Variants in SNCAIP observed in about 807,000 individuals in gnomAD.
The protein encoded by SNCAIP is synuclein alpha interacting protein.
SNCAIP carries 43 observed loss-of-function variants against 86.7 expected under a neutral mutation model. That is an observed-to-expected ratio of 0.50 (90% CI 0.39 to 0.64). The LOEUF (loss-of-function observed/expected upper bound fraction) is 0.64, where lower values mean the gene tolerates loss of function less well. Ranked by LOEUF, SNCAIP falls within the 30% of genes least tolerant of loss-of-function variation. SNCAIP has a pLI of 0.00. For synonymous variants in SNCAIP, 417 were observed against 427.2 expected, an observed-to-expected ratio of 0.98 and a Z score of 0.29; for missense variants, 981 against 1,103.1, an observed-to-expected ratio of 0.89 and a Z score of 1.57.
chr5:122,451,477 A>G lies in SNCAIP; in HGVS notation c.2630A>G (p.Asn877Ser), dbSNP rs191482320. 5 of 1,613,906 alleles carry G rather than the reference A, an allele frequency of 3.1e-6. No individual in the cohort carries two copies. The highest frequency in any genetic ancestry group is 1.7e-6 in the Non-Finnish European group (2 of 1,179,974). ...IMETLSGNQN[N>S]NNNYQAANQL... The stretch of plus-strand genomic sequence containing the variant: ...GAGACACTAAGTGGCAACCAAAACA[A>G]TAATAATAACTACCAGGCAGCCAAC... Residue 877 changes from asparagine (N) to serine (S), a missense_variant, in exon 10 of 11, where the codon AAT becomes AGT. Physicochemically the swap from Asn to Ser is conservative, Grantham distance 46. Coordinates refer to ENST00000261368, the MANE Select transcript of SNCAIP (RefSeq NM_005460.4).
chr5:122,398,311 A>G (rs549039253), intron 2 of SNCAIP, among the ~76,000 whole-genome samples: 2 of 152,232 alleles, frequency 1.3e-5, no homozygotes, highest in East Asian at 3.9e-4. Context: ...AGGAAACCTG[A>G]GCCCCAGCAA....
At chr5:122,445,530 C>T (rs1180170633) in intron 8 of SNCAIP, among the ~76,000 whole-genome samples, 1 of 151,898 alleles carries the variant, frequency 6.6e-6, no homozygotes, top group Non-Finnish European at 1.5e-5. Flanking sequence ...ATACAGTTTC[C>T]AGATTGGGGA....
At chr5:122,400,659 T>A (rs1771608243) in intron 2 of SNCAIP, among the ~76,000 whole-genome samples, 1 of 152,198 alleles carries the variant, frequency 6.6e-6, no homozygotes, top group Non-Finnish European at 1.5e-5. Context: ...CAGCTGGCCT[T>A]GCCTTGTGAA....
chr5:122,452,961 A>G (rs773968938), intron 10 of SNCAIP: 3 of 1,548,852 alleles, frequency 1.9e-6, no homozygotes, highest in South Asian at 1.2e-5. Context: ...TTCCTCTAAC[A>G]TGCTGATTGA....
intron 1 of SNCAIP, among the ~76,000 whole-genome samples, chr5:122,354,257 C>A (rs58637487): frequency 0.013 from 1,980 of 152,276 alleles, 37 homozygotes; most frequent in African/African-American, 0.043. Flanking sequence ...ACAGACTGGA[C>A]TTGCCTTCCT....
chr5:122,345,930 G>A (rs1758541452), intron 1 of SNCAIP, among the ~76,000 whole-genome samples: 1 of 152,014 alleles, frequency 6.6e-6, no homozygotes, highest in South Asian at 2.1e-4. Context: ...TGGGATTACA[G>A]TTGTGAGCCA....
chr5:122,456,652 C>A (rs1784828839), intron 10 of SNCAIP, among the ~76,000 whole-genome samples: 1 of 152,220 alleles, frequency 6.6e-6, no homozygotes, highest in Non-Finnish European at 1.5e-5. Flanking sequence ...CCTGGTGCTG[C>A]TGAACAAATG....
At chr5:122,442,962 G>A (rs1177201942) in intron 7 of SNCAIP, among the ~76,000 whole-genome samples, 2 of 152,108 alleles carry the variant, frequency 1.3e-5, no homozygotes, top group African/African-American at 4.8e-5. Flanking sequence ...ATGAGGTGAG[G>A]AGGGGACTGA....
chr5:122,342,145 T>G (rs1445993068), intron 1 of SNCAIP, among the ~76,000 whole-genome samples: 1 of 152,140 alleles, frequency 6.6e-6, no homozygotes, highest in Non-Finnish European at 1.5e-5. Context: ...TCAGCATTAT[T>G]ACACCCAAAA....
chr5:122,389,835 G>C (rs1455838889), intron 1 of SNCAIP: 1 of 151,644 alleles, frequency 6.6e-6, no homozygotes, highest in Non-Finnish European at 1.5e-5. Flanking sequence ...AAAAAGGAGA[G>C]GAAACAGGAA....
intron 8 of SNCAIP, among the ~76,000 whole-genome samples, chr5:122,446,624 G>A (rs1782373220): frequency 6.6e-6 from 1 of 152,180 alleles, no homozygotes. Flanking sequence ...ACTAAGAGAG[G>A]CTACGTTGTA....
intron 8 of SNCAIP, among the ~76,000 whole-genome samples, chr5:122,447,909 G>T (rs1199181639): frequency 6.6e-6 from 1 of 152,210 alleles, no homozygotes; most frequent in Non-Finnish European, 1.5e-5. Context: ...TTTGCTTGCT[G>T]GTTCCCATGT....
At chr5:122,362,240 A>G (rs1283813275) in intron 1 of SNCAIP, among the ~76,000 whole-genome samples, 1 of 152,214 alleles carries the variant, frequency 6.6e-6, no homozygotes, top group Non-Finnish European at 1.5e-5. Flanking sequence ...CCTATTTTAT[A>G]GACAAGGACA....
At chr5:122,353,465 T>G (rs962557458) in intron 1 of SNCAIP, among the ~76,000 whole-genome samples, 30 of 147,944 alleles carry the variant, frequency 2.0e-4, no homozygotes, top group African/African-American at 7.2e-4. Context: ...AGACAACTGC[T>G]GTAGTTAAAG....
At chr5:122,416,500 A>T (rs1184312860) in intron 3 of SNCAIP, among the ~76,000 whole-genome samples, 1 of 152,100 alleles carries the variant, frequency 6.6e-6, no homozygotes, top group Admixed American at 6.6e-5. Flanking sequence ...CCTCACACAC[A>T]CTTTTGCTTT....
At chr5:122,438,931 A>G (rs191476228) in intron 6 of SNCAIP, among the ~76,000 whole-genome samples, 220 of 152,328 alleles carry the variant, frequency 1.4e-3, no homozygotes, top group African/African-American at 5.1e-3. Flanking sequence ...TAGAGGTACC[A>G]TAATCTATCC....
chr5:122,326,193 G>T (rs865921199), intron 1 of SNCAIP, among the ~76,000 whole-genome samples: 4 of 152,124 alleles, frequency 2.6e-5, no homozygotes, highest in Admixed American at 1.3e-4. Context: ...TGAATTTCTT[G>T]TAGGCTCTTG....
intron 2 of SNCAIP, among the ~76,000 whole-genome samples, chr5:122,394,370 G>A (rs925888023): frequency 3.3e-5 from 5 of 152,084 alleles, no homozygotes; most frequent in African/African-American, 1.2e-4. Flanking sequence ...AACTTATTTT[G>A]CCTTTACTTA....
intron 5 of SNCAIP, among the ~76,000 whole-genome samples, chr5:122,426,890 T>G (rs1415452284): frequency 1.3e-5 from 2 of 152,228 alleles, no homozygotes; most frequent in Non-Finnish European, 2.9e-5. Context: ...TGGCTGGCAA[T>G]ACAAATTTGT....
Sources: gnomAD v4.1 joint callset for allele counts (sites outside exome capture counted in the v4.1 genomes callset) on GRCh38, gnomAD v4.1.1 for gene constraint, MANE v1.5 for transcripts, NCBI Gene and HGNC (gene_info 2026-07-23, HGNC 2026-07-21) for gene names.